SEPTIN3: variants seen among roughly 807,000 people sequenced by gnomAD.
The protein encoded by SEPTIN3 is neuronal-specific septin-3.
SEPTIN3 carries 15 observed loss-of-function variants against 45.1 expected under a neutral mutation model. The observed-to-expected ratio is 0.33, with a 90% CI of 0.22 to 0.51. SEPTIN3 has a LOEUF of 0.51. Ranked by LOEUF, SEPTIN3 falls within the 20% of genes least tolerant of loss-of-function variation. The pLI is 0.97. For synonymous variants in SEPTIN3, 148 were observed against 164.8 expected (o/e 0.90, Z 0.78); for missense variants, 289 against 457.2 (o/e 0.63, Z 3.35).
At chr22:41,996,379 G>C (rs556831340) in intron 11 of SEPTIN3, 2 of 985,728 alleles carry the variant, frequency 2.0e-6, no homozygotes, top group African/African-American at 1.7e-5. Context: ...ACAACCTTCT[G>C]TCCCATCTCC....
rs1194382727 is a variant in SEPTIN3 at position 41,974,599 on chromosome 22, C to A, written c.1504+1603C>A. On this transcript the variant is annotated intron_variant, in intron 2 of 11. Coordinates refer to ENST00000644076, the MANE Select transcript of SEPTIN3 (RefSeq NM_001363845.2). ...AATGGCGTGAACCCAGGAGGCAGAG[C>A]TTGCAGTGAGCCGAGATTGCGCCAC... is the stretch of plus-strand genomic sequence containing the variant. 4.0e-5 allele frequency among the ~76,000 whole-genome samples: 6 copies of A among 149,510 alleles called. No individual in the cohort carries two copies. The East Asian group carries it at 1.2e-3, about 30-fold the overall frequency.
chr22:41,970,080 C>T (rs529680223), intron 1 of SEPTIN3, among the ~76,000 whole-genome samples: 2 of 151,978 alleles, frequency 1.3e-5, no homozygotes, highest in African/African-American at 2.4e-5. Context: ...CTGCCTTCCC[C>T]GTCCCTGCTG....
rs925161992 is a variant in SEPTIN3, at chr22:41,991,455, G to A, written c.2164-118G>A. 1.9e-5 allele frequency: 14 copies of A among 742,492 alleles called. No homozygotes were observed. In the African/African-American group the frequency reaches 2.2e-4, roughly 12 times the overall value. 46.0% of individuals were successfully genotyped at this position (742,492 alleles called of 1,614,324 possible). On this transcript the variant is annotated intron_variant, in intron 7 of 11. Coordinates refer to ENST00000644076, the MANE Select transcript of SEPTIN3 (RefSeq NM_001363845.2). Reference sequence around the variant, plus strand: ...AGGGTCTCAGAGTTCAGAGATGACTGTGGATTATCCAAGGCTGGATTTGGC... The same window carrying A: ...AGGGTCTCAGAGTTCAGAGATGACTATGGATTATCCAAGGCTGGATTTGGC...
chr22:41,980,733 G>T (rs1228474198), intron 2 of SEPTIN3, among the ~76,000 whole-genome samples: 1 of 152,176 alleles, frequency 6.6e-6, no homozygotes, highest in South Asian at 2.1e-4. Flanking sequence ...AACCCAGGGG[G>T]ACGTTTGCCC....
intron 2 of SEPTIN3, among the ~76,000 whole-genome samples, chr22:41,974,808 T>C (rs2077999303): frequency 7.0e-6 from 1 of 142,562 alleles, no homozygotes; most frequent in Non-Finnish European, 1.5e-5. Flanking sequence ...TGAGCTGAGA[T>C]TGCGTCACTG....
chr22:41,981,876 G>C (rs1368277846), intron 3 of SEPTIN3, 40 bp downstream of exon 3: 2 of 1,570,644 alleles, frequency 1.3e-6, no homozygotes, highest in South Asian at 2.3e-5. Context: ...CTGGTGGCGG[G>C]CAGCACCAAG....
intron 1 of SEPTIN3, among the ~76,000 whole-genome samples, chr22:41,969,927 G>A (rs1490007915): frequency 1.3e-5 from 2 of 152,080 alleles, no homozygotes; most frequent in Non-Finnish European, 2.9e-5. Context: ...GTGCAGGAGG[G>A]GGCAGAAGTT....
chr22:41,994,606 C>T lies in SEPTIN3; in HGVS notation c.2412-15C>T, dbSNP rs770089597. On this transcript the variant is annotated splice_polypyrimidine_tract_variant and intron_variant, in intron 10 of 11. Coordinates refer to ENST00000644076, the MANE Select transcript of SEPTIN3 (RefSeq NM_001363845.2). The surrounding 1 kb of genome is among the most constrained non-coding windows in gnomAD (Gnocchi z 4.2). ...CCTAATTGCAGCCCTCTTCTTCTCACCCTGTGTCCTCTAGGACCCACCTCC... is the reference window on the plus strand; with the variant it reads ...CCTAATTGCAGCCCTCTTCTTCTCATCCTGTGTCCTCTAGGACCCACCTCC... The T allele has an allele frequency of 8.1e-6, 13 of 1,613,938 alleles. No homozygotes were observed. The highest frequency in any genetic ancestry group is 1.7e-5 in the Admixed American group (1 of 59,994).
In SEPTIN3 at chr22:41,997,299, G is replaced by A. The variant is rs894725813; in HGVS notation, c.*332G>A. ...CCAGCTACTTGTAACCATCTCTAAG[G>A]GCAATGGCATTGCTCCCTACCCATT... is the stretch of plus-strand genomic sequence containing the variant. On this transcript the variant is annotated 3_prime_UTR_variant, in exon 12 of 12. Transcript: ENST00000644076. The A allele has an allele frequency of 1.3e-5, 4 of 317,368 alleles. No individual in the cohort carries two copies. Among genetic ancestry groups the A allele is most frequent in the African/African-American group, 8.6e-5 (4 of 46,460 alleles). 19.7% of individuals were successfully genotyped at this position (317,368 alleles called of 1,614,324 possible).
rs897884347 is a variant in SEPTIN3, at chr22:41,990,556, T to C, written c.2163+872T>C. Among the ~76,000 whole-genome samples the C allele has an allele frequency of 3.0e-3, 431 of 141,778 alleles. 2 individuals are homozygous for C. The highest frequency in any genetic ancestry group is 0.014 in the Middle Eastern group (3 of 208). The allele number at this position is 141,778 out of a possible 152,430, so 93.0% of individuals were successfully genotyped here. On this transcript the variant is annotated intron_variant, in intron 7 of 11. Coordinates refer to ENST00000644076, the MANE Select transcript of SEPTIN3 (RefSeq NM_001363845.2). ...GTCAGGAGATCAAGACCATCCTGGC[T>C]AACACGGTGAAACCCCGTCTCTACT...
Position 41,994,836 on chromosome 22 carries a change from C to T in SEPTIN3, c.2505+122C>T, listed in dbSNP as rs1202805721. 13 of 1,598,426 alleles carry T rather than the reference C, an allele frequency of 8.1e-6. No individual in the cohort carries two copies. In the African/African-American group the frequency reaches 1.2e-4, roughly 15 times the overall value. On this transcript the variant is annotated intron_variant, in intron 11 of 11. Transcript: ENST00000644076. This position sits in a 1 kb window ranked among gnomAD's most constrained non-coding sequence, Gnocchi z 4.2. ...TACCACCACCAACCACCTTCTTCCTCTCAACTCTGTCCCACAGGCCTGTCT... is the reference window on the plus strand; with the variant it reads ...TACCACCACCAACCACCTTCTTCCTTTCAACTCTGTCCCACAGGCCTGTCT...
chr22:41,986,251 A>G, intron 4 of SEPTIN3, 139 bp downstream of exon 4: 1 of 993,834 alleles, frequency 1.0e-6, no homozygotes, highest in African/African-American at 1.6e-5. Context: ...CTTCACTCTG[A>G]AGCAAACTCC....
intron 6 of SEPTIN3, 127 bp downstream of exon 6, chr22:41,987,886 A>ATCTGGCTG: frequency 1.1e-6 from 1 of 942,924 alleles, no homozygotes; most frequent in Non-Finnish European, 1.5e-6. Flanking sequence ...CCTTCCAGCC[A>ATCTGGCTG]GATGGGTTGG....
intron 11 of SEPTIN3, chr22:41,996,251 G>A (rs1048566806): frequency 1.0e-6 from 1 of 985,166 alleles, no homozygotes; most frequent in Non-Finnish European, 1.2e-6. Flanking sequence ...CCTGCTTGTT[G>A]TACAAGTAAG....
chr22:41,989,013 C>A (rs1028493565), intron 6 of SEPTIN3, among the ~76,000 whole-genome samples: 1 of 151,640 alleles, frequency 6.6e-6, no homozygotes, highest in African/African-American at 2.4e-5. Context: ...GTGGTCCCAG[C>A]TCCTCTGGAG....
intron 3 of SEPTIN3, among the ~76,000 whole-genome samples, chr22:41,985,147 G>A (rs538652897): frequency 1.4e-4 from 21 of 151,450 alleles, no homozygotes; most frequent in African/African-American, 5.1e-4. Context: ...TGTGAGCCAC[G>A]GCAAACGGCC....
At chr22:41,996,686 AG>A in intron 11 of SEPTIN3, 1 of 1,422,358 alleles carries the variant, frequency 7.0e-7, no homozygotes, top group Non-Finnish European at 9.2e-7. Flanking sequence ...TCAACAGAAC[AG>A]GGATCCTTGG....
rs1251567347 is a variant in SEPTIN3 at position 41,973,014 on chromosome 22, G to C, written c.1504+18G>C. On this transcript the variant is annotated intron_variant, in intron 2 of 11. Transcript: ENST00000644076. ...ATACAAAGGTAAATGCAGAAACTTG[G>C]TTGGGGATGGACTAGGCTGCCGGGA... The C allele has an allele frequency of 2.5e-6, 1 of 398,750 alleles. No homozygotes were observed. Among genetic ancestry groups the C allele is most frequent in the Admixed American group, 4.4e-5 (1 of 22,720 alleles). The allele number at this position is 398,750 out of a possible 1,614,324, so 24.7% of individuals were successfully genotyped here.
At chr22:41,980,019 G>A (rs2078095597) in intron 2 of SEPTIN3, among the ~76,000 whole-genome samples, 2 of 152,046 alleles carry the variant, frequency 1.3e-5, no homozygotes, top group South Asian at 2.1e-4. Context: ...ACTGGCATCT[G>A]GGGACACCTT....
Sources: allele counts gnomAD v4.1 joint callset (sites outside exome capture counted in the v4.1 genomes callset), GRCh38; gene constraint gnomAD v4.1.1; non-coding constraint Gnocchi (gnomAD v3.1); transcripts MANE v1.5; gene names NCBI Gene and HGNC (gene_info 2026-07-23, HGNC 2026-07-21).